The following CCDC169 variants were observed in gnomAD, a reference collection of about 807,000 sequenced individuals.
CCDC169 encodes coiled-coil domain containing 169.
A neutral mutation model predicts 36.0 loss-of-function variants in CCDC169; 30 were observed. That is an observed-to-expected ratio of 0.83 (90% CI 0.62 to 1.13). CCDC169 has a LOEUF of 1.13. CCDC169 is among the 50% of genes most tolerant of loss of function. The pLI is 0.00. For synonymous variants in CCDC169, 85 were observed against 81.5 expected (o/e 1.04, Z -0.23); for missense variants, 245 against 245.9 (o/e 1.00, Z 0.03).
Position 36,254,138 on chromosome 13 carries a change from G to A in CCDC169, c.321C>T (p.Ser107=), listed in dbSNP as rs1304548620. The A allele has an allele frequency of 4.6e-6, 7 of 1,512,994 alleles. No homozygotes were observed. The highest frequency in any genetic ancestry group is 5.3e-6 in the Non-Finnish European group (6 of 1,134,192). The allele number at this position is 1,512,994 out of a possible 1,614,324, so 93.7% of individuals were successfully genotyped here. A position where few individuals can be genotyped will look rare whatever the true frequency, so the allele number is the denominator to read the frequency against. Residue 107 remains serine (S), a synonymous_variant, in exon 5 of 8, where the codon TCC becomes TCT. Transcript: ENST00000239859. The part of the protein sequence containing the change: ...IRVYERMPVE[S]LNTLLKQLEE... ...CTAGCTGTTTAAGTAATGTGTTTAA[G>A]GATTCCTAAAAATATAAATAGTAAA...
intron 4 of CCDC169, among the ~76,000 whole-genome samples, chr13:36,272,386 G>A (rs952224838): frequency 6.6e-6 from 1 of 152,110 alleles, no homozygotes; most frequent in Admixed American, 6.5e-5. Flanking sequence ...GCAGAGAATA[G>A]CCCTTAGGAA....
chr13:36,257,252 T>C (rs115870288), intron 4 of CCDC169, among the ~76,000 whole-genome samples: 14 of 152,314 alleles, frequency 9.2e-5, no homozygotes, highest in African/African-American at 3.1e-4. Flanking sequence ...AGGCCCCATC[T>C]AGCCCTACAG....
downstream of CCDC169, chr13:36,225,440 A>C (rs1437944260): frequency 1.3e-5 from 2 of 152,664 alleles, no homozygotes; most frequent in East Asian, 3.8e-4. Flanking sequence ...CCTGGGCTCA[A>C]GCAATCCTCA....
At chr13:36,234,795 C>T (rs1870873211) in intron 7 of CCDC169, among the ~76,000 whole-genome samples, 1 of 152,040 alleles carries the variant, frequency 6.6e-6, no homozygotes, top group Admixed American at 6.6e-5. Context: ...AGGAATTAAT[C>T]ATCAGCAAAC....
At chr13:36,241,064 T>G (rs1871764255) in intron 7 of CCDC169, among the ~76,000 whole-genome samples, 1 of 152,116 alleles carries the variant, frequency 6.6e-6, no homozygotes, top group Admixed American at 6.6e-5. Flanking sequence ...GTCTATATAG[T>G]AGGACTATAA....
At chr13:36,250,071 G>A (rs1226695496) in intron 6 of CCDC169, among the ~76,000 whole-genome samples, 1 of 152,138 alleles carries the variant, frequency 6.6e-6, no homozygotes, top group Non-Finnish European at 1.5e-5. Context: ...AAAATAAATA[G>A]GTGATTACAA....
intron 4 of CCDC169, among the ~76,000 whole-genome samples, chr13:36,275,363 C>T (rs2138578545): frequency 6.6e-6 from 1 of 152,028 alleles, no homozygotes; most frequent in East Asian, 1.9e-4. Flanking sequence ...TCTTAAATAC[C>T]AAATGCCCCC....
At position 36,254,070 on chromosome 13, in the gene CCDC169, G is replaced by A. The variant is rs1349424646; in HGVS notation, c.389C>T (p.Ala130Val). 2.6e-6 allele frequency: 4 copies of A among 1,548,666 alleles called. No individual in the cohort carries two copies. The Admixed American group carries it at 7.9e-5, about 31-fold the overall frequency. Residue 130 changes from alanine to valine, a missense_variant, in exon 5 of 8, where the codon GCA becomes GTA. By Grantham distance (64) the Ala-to-Val change is moderately conservative (BLOSUM62 0). Transcript: ENST00000239859. ...KTLESQVKYYALKLEQESKAY... is the reference protein window; with the variant it reads ...KTLESQVKYYVLKLEQESKAY... ...CTTTGATTCTTGTTCCAGTTTAAGT[G>A]CATAGTATTTCACTTGACTTTCAAG... is the stretch of plus-strand genomic sequence containing the variant.
intron 4 of CCDC169, among the ~76,000 whole-genome samples, chr13:36,272,807 G>T (rs1345835596): frequency 2.0e-5 from 3 of 152,088 alleles, no homozygotes; most frequent in African/African-American, 7.2e-5. Context: ...AAGAGCTATT[G>T]CAGTTTAATT....
At chr13:36,229,160 A>G (rs1870154523), downstream of CCDC169, among the ~76,000 whole-genome samples, 1 of 152,242 alleles carries the variant, frequency 6.6e-6, no homozygotes, top group Non-Finnish European at 1.5e-5. Flanking sequence ...TGATCTGCAC[A>G]GCAATCTCAA....
At chr13:36,223,594 C>T (rs1468463550), downstream of CCDC169, 2 of 152,000 alleles carry the variant, frequency 1.3e-5, no homozygotes, top group African/African-American at 4.8e-5. Context: ...GGTACTTTTT[C>T]ATAATTCAAT....
At chr13:36,254,179 A>G in intron 4 of CCDC169, 36 bp from the exon 5 acceptor site, 1 of 1,376,950 alleles carries the variant, frequency 7.3e-7, no homozygotes, top group East Asian at 2.5e-5. Flanking sequence ...ATATGTACTC[A>G]TGTTCTAAAC....
intron 4 of CCDC169, among the ~76,000 whole-genome samples, chr13:36,259,530 A>G (rs1007896361): frequency 3.3e-5 from 5 of 152,190 alleles, no homozygotes; most frequent in African/African-American, 1.2e-4. Flanking sequence ...TTATTAACTA[A>G]AAGAACTTGA....
intron 6 of CCDC169, 75 bp from the exon 7 acceptor site, chr13:36,248,757 T>A: frequency 7.6e-7 from 1 of 1,322,022 alleles, no homozygotes; most frequent in Non-Finnish European, 1.1e-6. Flanking sequence ...CAGTCAATTC[T>A]CAATTAACTC....
chr13:36,244,367 A>G (rs1017948419), intron 7 of CCDC169: 1 of 152,234 alleles, frequency 6.6e-6, no homozygotes, highest in African/African-American at 2.4e-5. Flanking sequence ...CAGGCAGAAG[A>G]AGCCTATGTG....
At chr13:36,237,057 T>C (rs1566059784) in intron 7 of CCDC169, among the ~76,000 whole-genome samples, 3 of 134,898 alleles carry the variant, frequency 2.2e-5, no homozygotes. Context: ...TTAAAAATTA[T>C]TTATTATTAT....
intron 2 of CCDC169, among the ~76,000 whole-genome samples, chr13:36,292,718 G>A (rs1472983262): frequency 2.0e-5 from 3 of 152,200 alleles, no homozygotes; most frequent in African/African-American, 7.2e-5. Context: ...AGCTGAAGGG[G>A]AAAAGTGGGG....
At chr13:36,293,050 A>G (rs1358207632) in intron 2 of CCDC169, among the ~76,000 whole-genome samples, 1 of 152,146 alleles carries the variant, frequency 6.6e-6, no homozygotes, top group Admixed American at 6.6e-5. Context: ...TTGAAAGAAG[A>G]GGGTAAGCTC....
In CCDC169 at chr13:36,296,714, G is replaced by A. The variant is rs776920643; in HGVS notation, c.84-857C>T. Among the ~76,000 whole-genome samples the A allele has an allele frequency of 3.9e-4, 59 of 152,160 alleles. 1 individual carries two copies. The highest frequency in any genetic ancestry group is 7.5e-4 in the Non-Finnish European group (51 of 68,048). ...CAGTGAACAGAAAAATAGCAATAGC[G>A]GCAGCAAAGTTCCACTGGATGCGTA... On this transcript the variant is annotated intron_variant, in intron 1 of 7. Coordinates refer to ENST00000239859, the MANE Select transcript of CCDC169 (RefSeq NM_001144981.3).
Sources: allele counts gnomAD v4.1 joint callset (sites outside exome capture counted in the v4.1 genomes callset), GRCh38; gene constraint gnomAD v4.1.1; transcripts MANE v1.5; gene names NCBI Gene and HGNC (gene_info 2026-07-23, HGNC 2026-07-21).